Variants in FSTL5 observed in about 807,000 individuals in gnomAD.
FSTL5 encodes the protein follistatin-related protein 5.
Under a neutral mutation model 89.1 loss-of-function variants are expected in FSTL5, and 62 were observed. The observed-to-expected ratio is 0.70, with a 90% CI of 0.57 to 0.86. FSTL5 has a LOEUF of 0.86. Ranked by LOEUF, FSTL5 falls within the 40% of genes least tolerant of loss-of-function variation. The pLI is 0.00. For synonymous variants in FSTL5, 383 were observed against 346.2 expected, an observed-to-expected ratio of 1.11 and a Z score of -1.18; for missense variants, 1,057 against 1,001.6, an observed-to-expected ratio of 1.06 and a Z score of -0.75.
At chr4:161,618,272 G>C (rs1244863273) in intron 7 of FSTL5, among the ~76,000 whole-genome samples, 1 of 134,216 alleles carries the variant, frequency 7.5e-6, no homozygotes, top group African/African-American at 2.9e-5. Context: ...TCTGCAAACA[G>C]GGACAATTTG....
At chr4:161,992,423 G>A (rs189835979) in intron 3 of FSTL5, among the ~76,000 whole-genome samples, 152 of 152,196 alleles carry the variant, frequency 1.0e-3, no homozygotes, top group Non-Finnish European at 1.7e-3. Context: ...TTAAAGAGAG[G>A]AGTCAAAGCT....
chr4:162,132,395 G>A (rs1423658426), intron 1 of FSTL5, among the ~76,000 whole-genome samples: 1 of 152,040 alleles, frequency 6.6e-6, no homozygotes, highest in Non-Finnish European at 1.5e-5. Flanking sequence ...CACTCACCGC[G>A]AAGGTCTGCA....
Position 162,151,962 on chromosome 4 carries a change from C to T in FSTL5, c.-17+11653G>A, listed in dbSNP as rs188954696. On this transcript the variant is annotated intron_variant, in intron 1 of 15. Transcript: ENST00000306100. Reference sequence around the variant, plus strand: ...ATTTTTAGACAGTTTTTAATTTAACCGAAGTGTTCAGCAAAACATGTATAA... The same window carrying T: ...ATTTTTAGACAGTTTTTAATTTAACTGAAGTGTTCAGCAAAACATGTATAA... Among the ~76,000 whole-genome samples, 23 of 152,120 alleles carry T rather than the reference C, an allele frequency of 1.5e-4. 1 individual carries two copies. In the East Asian group the frequency reaches 3.1e-3, roughly 20 times the overall value.
At chr4:161,491,353 T>C (rs1024407937) in intron 12 of FSTL5, among the ~76,000 whole-genome samples, 2 of 152,038 alleles carry the variant, frequency 1.3e-5, no homozygotes, top group African/African-American at 4.8e-5. Context: ...TGAAATTATA[T>C]TACCTACTGT....
At position 161,386,003 on chromosome 4, in the gene FSTL5, T is replaced by G. The variant is rs780777686; in HGVS notation, c.2288A>C (p.Gln763Pro). Reference sequence around the variant, plus strand: ...GAGCTCCACAAAGAGCACATCAGTTTGTGTGCTTGAACTACCGTAGATGTT... The same window carrying G: ...GAGCTCCACAAAGAGCACATCAGTTGGTGTGCTTGAACTACCGTAGATGTT... ...QYNIYGSSST[Q>P]TDVLFVELSS... Residue 763 changes from glutamine (Q) to proline (P), a missense_variant, in exon 16 of 16, where the codon CAA becomes CCA. Physicochemically the swap from Gln to Pro is moderately conservative, Grantham distance 76. This residue lies in a region of FSTL5 where 9 missense variants were observed against 25.0 expected (regional missense o/e 0.36). Coordinates refer to ENST00000306100, the MANE Select transcript of FSTL5 (RefSeq NM_020116.5). The G allele has an allele frequency of 1.2e-6, 2 of 1,613,966 alleles. No homozygotes were observed. The highest frequency in any genetic ancestry group is 2.2e-5 in the South Asian group (2 of 91,074).
intron 8 of FSTL5, among the ~76,000 whole-genome samples, chr4:161,551,949 C>G (rs1402024337): frequency 6.6e-6 from 1 of 151,872 alleles, no homozygotes; most frequent in African/African-American, 2.4e-5. Flanking sequence ...GTCTAAAACA[C>G]CAAAAGCAAT....
intron 4 of FSTL5, among the ~76,000 whole-genome samples, chr4:161,899,327 C>A (rs1733276021): frequency 6.6e-6 from 1 of 152,152 alleles, no homozygotes; most frequent in East Asian, 1.9e-4. Context: ...ATAGAGGACA[C>A]ATTCATAGGA....
intron 1 of FSTL5, among the ~76,000 whole-genome samples, chr4:162,150,721 T>G (rs980551388): frequency 6.6e-6 from 1 of 152,202 alleles, no homozygotes; most frequent in Non-Finnish European, 1.5e-5. Flanking sequence ...TGTATTGATG[T>G]AATCATCATG....
At chr4:161,861,407 C>T (rs1001510848) in intron 4 of FSTL5, among the ~76,000 whole-genome samples, 2 of 150,692 alleles carry the variant, frequency 1.3e-5, no homozygotes, top group Admixed American at 6.6e-5. Flanking sequence ...GGGAGTGAGA[C>T]TCCGTCTTCA....
intron 3 of FSTL5, among the ~76,000 whole-genome samples, chr4:161,929,681 G>GTGTGTGTGTGTGTGTGTGTGTATA (rs1553983440): frequency 2.9e-4 from 33 of 115,524 alleles, no homozygotes; most frequent in African/African-American, 8.1e-4. Context: ...GTGTGTGTGT[G>GTGTGTGTGTGTGTGTGTGTGTATA]TGTGTGTGTG....
At chr4:161,935,625 AG>A (rs947214113) in intron 3 of FSTL5, among the ~76,000 whole-genome samples, 8 of 152,056 alleles carry the variant, frequency 5.3e-5, no homozygotes. Flanking sequence ...GAGAATATGA[AG>A]GTTTTTTTAA....
chr4:161,864,881 A>T (rs976623828), intron 4 of FSTL5, among the ~76,000 whole-genome samples: 9 of 151,852 alleles, frequency 5.9e-5, no homozygotes, highest in Non-Finnish European at 1.0e-4. Context: ...AAAAAAAAAA[A>T]AAAAAAAAAG....
intron 1 of FSTL5, among the ~76,000 whole-genome samples, chr4:162,153,374 T>C (rs1337818156): frequency 2.0e-5 from 3 of 151,836 alleles, no homozygotes; most frequent in African/African-American, 7.3e-5. Context: ...AGTAATACTT[T>C]ACCTGTTTTA....
intron 4 of FSTL5, among the ~76,000 whole-genome samples, chr4:161,882,409 A>G (rs1052790554): frequency 6.6e-6 from 1 of 152,134 alleles, no homozygotes; most frequent in Non-Finnish European, 1.5e-5. Flanking sequence ...CATCTGTTGT[A>G]CCAAAGCAAA....
In FSTL5 at chr4:161,565,915, T is replaced by C. The variant is rs573351669; in HGVS notation, c.1015+21540A>G. On this transcript the variant is annotated intron_variant, in intron 8 of 15. Transcript: ENST00000306100. ...TCTTTTTTATATGATGACCTGTTTT[T>C]CTTTGGGTATATATGTAGGAGTAGG... Among the ~76,000 whole-genome samples, 53 of 151,408 alleles carry C rather than the reference T, an allele frequency of 3.5e-4. No homozygotes were observed. The South Asian group carries it at 0.01, about 30-fold the overall frequency.
chr4:161,428,889 C>A (rs1271611727), intron 15 of FSTL5, among the ~76,000 whole-genome samples: 2 of 152,042 alleles, frequency 1.3e-5, no homozygotes, highest in Non-Finnish European at 2.9e-5. Flanking sequence ...TGGGGACCAG[C>A]TCCGCCACAG....
In FSTL5 at chr4:161,608,804, A is replaced by G. The variant is rs73862338; in HGVS notation, c.895-21229T>C. ...TTCACATTAAAAAACATATTTGATG[A>G]CTCCCTAGACTTTTCTCCTGCAAGT... On this transcript the variant is annotated intron_variant, in intron 7 of 15. Coordinates refer to ENST00000306100, the MANE Select transcript of FSTL5 (RefSeq NM_020116.5). Among the ~76,000 whole-genome samples the G allele has an allele frequency of 8.1e-3, 1,224 of 151,880 alleles. 11 individuals carry two copies. Among genetic ancestry groups the G allele is most frequent in the African/African-American group, 0.027 (1,120 of 41,484 alleles).
chr4:161,522,773 G>A lies in FSTL5; in HGVS notation c.1313-12349C>T, dbSNP rs116520880. Among the ~76,000 whole-genome samples, 908 of 151,624 alleles carry A rather than the reference G, an allele frequency of 6.0e-3. 11 individuals carry two copies. Among genetic ancestry groups the A allele is most frequent in the African/African-American group, 0.021 (867 of 41,470 alleles). On this transcript the variant is annotated intron_variant, in intron 10 of 15. Coordinates refer to ENST00000306100, the MANE Select transcript of FSTL5 (RefSeq NM_020116.5). ...TACAAGAATAAACAGTCAAATAGTC[G>A]ATTGCCATACTGCTAATAAAAGTAT... is the stretch of plus-strand genomic sequence containing the variant.
At chr4:161,891,199 T>C (rs1448234618) in intron 4 of FSTL5, among the ~76,000 whole-genome samples, 1 of 152,186 alleles carries the variant, frequency 6.6e-6, no homozygotes, top group Non-Finnish European at 1.5e-5. Flanking sequence ...ATTTGTCACA[T>C]TTTGTTAAAA....
Sources: gnomAD v4.1 joint callset for allele counts (sites outside exome capture counted in the v4.1 genomes callset) on GRCh38, gnomAD v4.1.1 for gene constraint, gnomAD v4.1.1 regional missense constraint, MANE v1.5 for transcripts, NCBI Gene and HGNC (gene_info 2026-07-23, HGNC 2026-07-21) for gene names.